Variants in SLC9B1 observed in about 807,000 individuals in gnomAD.
SLC9B1 encodes the protein solute carrier family 9 member B1.
A neutral mutation model predicts 51.7 loss-of-function variants in SLC9B1; 32 were observed. The observed-to-expected ratio is 0.62, with a 90% CI of 0.47 to 0.83. The LOEUF is 0.83. Ranked by LOEUF, SLC9B1 falls within the 40% of genes least tolerant of loss-of-function variation. SLC9B1 has a pLI of 0.00. For missense variants in SLC9B1, 406 were observed against 613.2 expected (o/e 0.66, Z 3.57); for synonymous variants, 145 against 212.7 (o/e 0.68, Z 2.77).
intron 1 of SLC9B1, among the ~76,000 whole-genome samples, chr4:102,998,997 A>T (rs992072466): frequency 5.3e-5 from 8 of 152,098 alleles, no homozygotes; most frequent in African/African-American, 1.9e-4. Context: ...TGGTAGGACT[A>T]CTGGTGCACA....
chr4:102,989,824 C>T lies in SLC9B1; in HGVS notation c.187G>A (p.Val63Ile). Residue 63 changes from valine to isoleucine, a missense_variant, in exon 3 of 12, where the codon GTA (valine) becomes ATA (isoleucine). Val to Ile is a conservative substitution (Grantham distance 29). Around this residue, in one of 6 missense-constraint regions of SLC9B1, gnomAD observed 108 missense variants for 94.5 expected, o/e 1.14. Coordinates refer to ENST00000296422, the MANE Select transcript of SLC9B1 (RefSeq NM_139173.4). The stretch of plus-strand genomic sequence containing the variant: ...CCATTTGTAATAATTACATTCAATA[C>T]TCCTCTTAGAGGACAAGAAATGTAT... ...ETYISCPLRG[V>I]LNVIITNGVI... 1.3e-6 allele frequency: 2 copies of T among 1,590,276 alleles called. No homozygotes were observed. Among genetic ancestry groups the T allele is most frequent in the Non-Finnish European group, 1.7e-6 (2 of 1,165,774 alleles).
chr4:102,994,725 G>A (rs1441986451), intron 1 of SLC9B1, among the ~76,000 whole-genome samples: 7 of 152,142 alleles, frequency 4.6e-5, no homozygotes, highest in African/African-American at 7.2e-5. Flanking sequence ...TACAATCATG[G>A]CAGAGGGCAG....
chr4:102,989,218 T>G (rs1739819729), intron 3 of SLC9B1, among the ~76,000 whole-genome samples: 1 of 152,050 alleles, frequency 6.6e-6, no homozygotes, highest in East Asian at 1.9e-4. Context: ...TTTAATCAAT[T>G]TTTTGTTCTC....
intron 6 of SLC9B1, among the ~76,000 whole-genome samples, chr4:102,938,422 G>T (rs560938090): frequency 6.6e-6 from 1 of 152,186 alleles, no homozygotes; most frequent in Non-Finnish European, 1.5e-5. Context: ...CAGAATAATA[G>T]TGGGAGACTT....
At position 102,991,635 on chromosome 4, in the gene SLC9B1, G is replaced by A; in HGVS notation, c.69+8C>T. On this transcript the variant is annotated splice_region_variant and intron_variant, in intron 2 of 11. Transcript: ENST00000296422. ...ATCATATATTACAGTATACTTTTAA[G>A]TTTTTACCTGAGGAGTTGTAGATGT... 6.4e-7 allele frequency: 1 copy of A among 1,562,732 alleles called. No individual in the cohort carries two copies. The highest frequency in any genetic ancestry group is 8.7e-7 in the Non-Finnish European group (1 of 1,149,674).
intron 10 of SLC9B1, 142 bp from the exon 11 acceptor site, chr4:102,905,792 T>C: frequency 1.3e-6 from 1 of 746,550 alleles, no homozygotes; most frequent in Non-Finnish European, 2.2e-6. Flanking sequence ...ATAAAAACAA[T>C]GATTATAAAA....
At chr4:102,946,196 C>CT (rs1391719486) in intron 5 of SLC9B1, among the ~76,000 whole-genome samples, 1 of 152,126 alleles carries the variant, frequency 6.6e-6, no homozygotes, top group Non-Finnish European at 1.5e-5. Flanking sequence ...TAATAAAGAC[C>CT]TTACAACACA....
intron 1 of SLC9B1, among the ~76,000 whole-genome samples, chr4:103,001,084 C>T (rs907338903): frequency 6.6e-6 from 1 of 152,194 alleles, no homozygotes; most frequent in Non-Finnish European, 1.5e-5. Context: ...GGCCCAACAC[C>T]ACGTGTAAGC....
intron 6 of SLC9B1, among the ~76,000 whole-genome samples, chr4:102,934,388 GAGAA>G (rs544732002): frequency 0.011 from 1,650 of 152,286 alleles, 19 homozygotes; most frequent in African/African-American, 0.036. Context: ...AAATCAGTGG[GAGAA>G]AGAAAGAAAT....
chr4:102,979,132 T>C (rs926123799), intron 3 of SLC9B1, among the ~76,000 whole-genome samples: 1 of 152,196 alleles, frequency 6.6e-6, no homozygotes, highest in African/African-American at 2.4e-5. Context: ...AAACTGTAGG[T>C]GAAAACCCTT....
rs79609773 is a variant in SLC9B1 at position 102,943,805 on chromosome 4, G to A, written c.653+1388C>T. On this transcript the variant is annotated intron_variant, in intron 6 of 11. Coordinates refer to ENST00000296422, the MANE Select transcript of SLC9B1 (RefSeq NM_139173.4). ...CCTTGGGTGCAGTGTACACTGCTCT[G>A]GTGATGGGTGCACCAAAATCTCAGA... is the stretch of plus-strand genomic sequence containing the variant. Among the ~76,000 whole-genome samples the A allele has an allele frequency of 4.7e-4, 71 of 152,118 alleles. No homozygotes were observed. In the East Asian group the frequency reaches 0.011, roughly 24 times the overall value.
chr4:102,985,575 G>A (rs1310904757), intron 3 of SLC9B1, among the ~76,000 whole-genome samples: 1 of 151,636 alleles, frequency 6.6e-6, no homozygotes, highest in East Asian at 1.9e-4. Context: ...CCAGGCTGGA[G>A]TGCAGCGGTG....
chr4:102,972,885 C>T (rs908772613), intron 3 of SLC9B1, among the ~76,000 whole-genome samples: 40 of 152,072 alleles, frequency 2.6e-4, no homozygotes, highest in African/African-American at 9.2e-4. Context: ...CAAGATGAAA[C>T]GTGATTTTAA....
intron 11 of SLC9B1, chr4:102,890,533 T>G (rs1734187801): frequency 6.6e-6 from 1 of 152,120 alleles, no homozygotes; most frequent in African/African-American, 2.4e-5. Context: ...ATGCTTGTAC[T>G]TTATTCAGAA....
chr4:103,005,236 A>C (rs1365664250), intron 1 of SLC9B1, among the ~76,000 whole-genome samples: 2 of 148,792 alleles, frequency 1.3e-5, no homozygotes, highest in Non-Finnish European at 3.0e-5. Context: ...AAGTAAAGGA[A>C]TAGAGAAAAA....
intron 11 of SLC9B1, among the ~76,000 whole-genome samples, chr4:102,902,042 G>T (rs1224576035): frequency 1.3e-5 from 2 of 152,136 alleles, no homozygotes; most frequent in Non-Finnish European, 2.9e-5. Flanking sequence ...CACTCCTCAT[G>T]CCCTGCCAGG....
At chr4:103,009,265 A>G (rs1332392993) in intron 1 of SLC9B1, among the ~76,000 whole-genome samples, 1 of 152,238 alleles carries the variant, frequency 6.6e-6, no homozygotes, top group East Asian at 1.9e-4. Flanking sequence ...GTGTGTCCAT[A>G]CACAATACTA....
At chr4:102,894,826 C>G (rs1174203914) in intron 11 of SLC9B1, among the ~76,000 whole-genome samples, 3 of 152,032 alleles carry the variant, frequency 2.0e-5, no homozygotes, top group East Asian at 1.9e-4. Flanking sequence ...TTGGCGCATG[C>G]TTATAGAACC....
At chr4:102,918,460 G>A (rs1355321694) in intron 7 of SLC9B1, among the ~76,000 whole-genome samples, 1 of 152,176 alleles carries the variant, frequency 6.6e-6, no homozygotes, top group Non-Finnish European at 1.5e-5. Flanking sequence ...AATATATACA[G>A]AACAACAACT....
Sources: gnomAD v4.1 joint callset for allele counts (sites outside exome capture counted in the v4.1 genomes callset) on GRCh38, gnomAD v4.1.1 for gene constraint, gnomAD v4.1.1 regional missense constraint, MANE v1.5 for transcripts, NCBI Gene and HGNC (gene_info 2026-07-23, HGNC 2026-07-21) for gene names.